TYW1B: variants seen among roughly 807,000 people sequenced by gnomAD.
The protein encoded by TYW1B is tRNA-yW synthesizing protein 1 homolog B.
A neutral mutation model predicts 86.9 loss-of-function variants in TYW1B; 73 were observed. That is an observed-to-expected ratio of 0.84 (90% confidence interval 0.70 to 1.02). The LOEUF is 1.02. Among genes scored for constraint, TYW1B ranks in the 50% least tolerant of loss-of-function variants. The pLI is 0.00. For missense variants in TYW1B, 637 were observed against 827.4 expected (o/e 0.77, Z 2.82); for synonymous variants, 248 against 292.8 (o/e 0.85, Z 1.56).
chr7:72,821,124 C>T (rs1554480401), intron 2 of TYW1B, among the ~76,000 whole-genome samples: 1 of 152,188 alleles, frequency 6.6e-6, no homozygotes, highest in East Asian at 1.9e-4. Flanking sequence ...AGGCATGTGC[C>T]ACCACACCAG....
At chr7:72,750,423 C>T (rs1018309855) in intron 7 of TYW1B, among the ~76,000 whole-genome samples, 1 of 152,150 alleles carries the variant, frequency 6.6e-6, no homozygotes, top group African/African-American at 2.4e-5. Flanking sequence ...AGATGAGAAA[C>T]GTGCTGTCAT....
At chr7:72,779,861 G>GAAAAAAAAAAA (rs1233622939) in intron 6 of TYW1B, among the ~76,000 whole-genome samples, 1 of 102,852 alleles carries the variant, frequency 9.7e-6, no homozygotes, top group African/African-American at 3.6e-5. Context: ...TACCAAATGA[G>GAAAAAAAAAAA]AAAAAAAAAA....
At chr7:72,789,128 G>A (rs1252332679) in intron 6 of TYW1B, among the ~76,000 whole-genome samples, 2 of 151,752 alleles carry the variant, frequency 1.3e-5, no homozygotes, top group Non-Finnish European at 2.9e-5. Flanking sequence ...ACCAAGCCCG[G>A]CCTGGTGCAG....
chr7:72,745,421 T>C (rs1458236156), intron 7 of TYW1B, among the ~76,000 whole-genome samples: 4 of 152,094 alleles, frequency 2.6e-5, no homozygotes, highest in Non-Finnish European at 4.4e-5. Context: ...TATTTGATGA[T>C]GCAAGGGATA....
intron 7 of TYW1B, among the ~76,000 whole-genome samples, chr7:72,762,570 A>G (rs797023501): frequency 1.3e-5 from 2 of 152,088 alleles, no homozygotes; most frequent in South Asian, 2.1e-4. Flanking sequence ...GCTTTTCTTG[A>G]TATGTCTGAA....
intron 7 of TYW1B, among the ~76,000 whole-genome samples, chr7:72,768,563 G>A (rs574485356): frequency 5.3e-5 from 8 of 152,132 alleles, no homozygotes; most frequent in Non-Finnish European, 8.8e-5. Flanking sequence ...CGAGGCGGGC[G>A]GATCACGAGG....
chr7:72,703,049 G>A (rs1554452998), intron 10 of TYW1B, among the ~76,000 whole-genome samples: 1 of 126,608 alleles, frequency 7.9e-6, no homozygotes, highest in Non-Finnish European at 1.6e-5. Flanking sequence ...TTTTGAGATG[G>A]AGTCTCGCTC....
intron 11 of TYW1B, among the ~76,000 whole-genome samples, chr7:72,683,295 C>T (rs562638180): frequency 5.3e-5 from 8 of 152,274 alleles, no homozygotes; most frequent in Admixed American, 3.3e-4. Context: ...CTAGACTGGG[C>T]GCAGTGGCTC....
intron 11 of TYW1B, among the ~76,000 whole-genome samples, chr7:72,643,686 T>G (rs1212612528): frequency 6.6e-6 from 1 of 152,224 alleles, no homozygotes; most frequent in Non-Finnish European, 1.5e-5. Context: ...CATTTGATAT[T>G]TGATATTTGG....
chr7:72,695,352 T>C (rs1183961351), intron 10 of TYW1B, among the ~76,000 whole-genome samples: 1 of 152,160 alleles, frequency 6.6e-6, no homozygotes, highest in Non-Finnish European at 1.5e-5. Context: ...ATGTCAAGCC[T>C]TGGGTGGGCA....
At chr7:72,759,230 G>C (rs1160119735) in intron 7 of TYW1B, among the ~76,000 whole-genome samples, 2 of 152,142 alleles carry the variant, frequency 1.3e-5, no homozygotes, top group Non-Finnish European at 2.9e-5. Flanking sequence ...AACTACTCGG[G>C]AGGCTCAGGT....
intron 10 of TYW1B, among the ~76,000 whole-genome samples, chr7:72,704,716 C>T (rs1217919713): frequency 6.6e-6 from 1 of 152,086 alleles, no homozygotes; most frequent in Non-Finnish European, 1.5e-5. Context: ...CTCACATACT[C>T]GCAATGCCAC....
At chr7:72,803,110 G>A (rs1188824747) in intron 5 of TYW1B, among the ~76,000 whole-genome samples, 1 of 152,062 alleles carries the variant, frequency 6.6e-6, no homozygotes, top group Non-Finnish European at 1.5e-5. Context: ...GGTAGCACAT[G>A]CCTATAATCC....
chr7:72,759,919 T>C (rs1367833773), intron 7 of TYW1B, among the ~76,000 whole-genome samples: 3 of 152,136 alleles, frequency 2.0e-5, no homozygotes, highest in African/African-American at 2.4e-5. Flanking sequence ...AAGAACTAGA[T>C]AGATGTTTAT....
chr7:72,746,033 T>G (rs1787388865), intron 7 of TYW1B, among the ~76,000 whole-genome samples: 1 of 151,990 alleles, frequency 6.6e-6, no homozygotes. Context: ...CCGGCTAGTA[T>G]TTGTATTTTT....
At chr7:72,755,293 C>A (rs781969960) in intron 7 of TYW1B, among the ~76,000 whole-genome samples, 2 of 152,118 alleles carry the variant, frequency 1.3e-5, no homozygotes, top group African/African-American at 2.4e-5. Context: ...GTGGTGCGCA[C>A]CTATAGTCCC....
At chr7:72,754,400 C>A (rs569275064) in intron 7 of TYW1B, among the ~76,000 whole-genome samples, 58 of 151,964 alleles carry the variant, frequency 3.8e-4, no homozygotes, top group South Asian at 1.2e-3. Context: ...CTCGGCCTCC[C>A]ACAGTGCTGG....
At chr7:72,818,945 ACGATT>A (rs1243805924) in intron 2 of TYW1B, among the ~76,000 whole-genome samples, 1 of 152,168 alleles carries the variant, frequency 6.6e-6, no homozygotes, top group Admixed American at 6.6e-5. Context: ...ACTGGGGACT[ACGATT>A]CGACATCAGA....
intron 11 of TYW1B, among the ~76,000 whole-genome samples, chr7:72,669,344 C>A (rs1197398039): frequency 2.0e-5 from 3 of 151,886 alleles, no homozygotes; most frequent in African/African-American, 7.2e-5. Flanking sequence ...TGGGGTTTCA[C>A]CATGTTGGCC....
Sources: gnomAD v4.1 joint callset for allele counts (sites outside exome capture counted in the v4.1 genomes callset) on GRCh38, gnomAD v4.1.1 for gene constraint, MANE v1.5 for transcripts, NCBI Gene and HGNC (gene_info 2026-07-23, HGNC 2026-07-21) for gene names.